Variants in SERPINB7 observed in about 807,000 individuals in gnomAD.
SERPINB7 encodes serpin family B member 7.
SERPINB7 carries 31 observed loss-of-function variants against 37.4 expected under a neutral mutation model. That is an observed-to-expected ratio of 0.83 (90% CI 0.62 to 1.12). The LOEUF (loss-of-function observed/expected upper bound fraction) is 1.12. SERPINB7 is among the 50% of genes most tolerant of loss of function. SERPINB7 has a pLI of 0.00. For synonymous variants in SERPINB7, 163 were observed against 166.1 expected, an observed-to-expected ratio of 0.98 and a Z score of 0.14; for missense variants, 521 against 455.3, an observed-to-expected ratio of 1.14 and a Z score of -1.31.
chr18:63,777,764 A>G (rs2049262935), intron 1 of SERPINB7: 1 of 152,308 alleles, frequency 6.6e-6, no homozygotes, highest in South Asian at 2.1e-4. Flanking sequence ...TTTCAGAGTA[A>G]TGCAAAGAAC....
chr18:63,778,531 A>G (rs527415594), intron 1 of SERPINB7, among the ~76,000 whole-genome samples: 271 of 152,278 alleles, frequency 1.8e-3, no homozygotes, highest in Admixed American at 2.5e-3. Context: ...ACTTTTATCA[A>G]GCATTTAAGG....
chr18:63,767,880 G>A (rs1259521802), intron 1 of SERPINB7, among the ~76,000 whole-genome samples: 1 of 151,912 alleles, frequency 6.6e-6, no homozygotes, highest in Admixed American at 6.6e-5. Flanking sequence ...GTTTAATATG[G>A]GGTGAGTTTT....
In SERPINB7 at chr18:63,793,234, T is replaced by C. The variant is rs2049448390; in HGVS notation, c.293T>C (p.Ile98Thr). The C allele has an allele frequency of 6.2e-7, 1 of 1,608,784 alleles. No individual in the cohort carries two copies. Among genetic ancestry groups the C allele is most frequent in the Non-Finnish European group, 8.5e-7 (1 of 1,176,968 alleles). Residue 98 changes from isoleucine to threonine, a missense_variant, in exon 4 of 8, where the codon ATT (isoleucine) becomes ACT (threonine). By Grantham distance (89) the Ile-to-Thr change is moderately conservative. Coordinates refer to ENST00000398019, the MANE Select transcript of SERPINB7 (RefSeq NM_003784.4). ...TCCCACAAGGATTATGATCTCAGCATTGTGAATGGGCTTTTTGCTGAAAAA... is the reference window on the plus strand; with the variant it reads ...TCCCACAAGGATTATGATCTCAGCACTGTGAATGGGCTTTTTGCTGAAAAA... ...NASHKDYDLS[I>T]VNGLFAEKVY... is the part of the protein sequence containing the mutation.
chr18:63,765,889 T>C (rs529409283), intron 1 of SERPINB7, among the ~76,000 whole-genome samples: 1 of 151,782 alleles, frequency 6.6e-6, no homozygotes, highest in African/African-American at 2.4e-5. Context: ...AAAAACAGCA[T>C]TTTTTCATGT....
At chr18:63,755,551 A>C (rs1442877799) in intron 1 of SERPINB7, among the ~76,000 whole-genome samples, 1 of 152,186 alleles carries the variant, frequency 6.6e-6, no homozygotes, top group Non-Finnish European at 1.5e-5. Flanking sequence ...AAGGTGAATT[A>C]GTGAGGCAAG....
intron 1 of SERPINB7, among the ~76,000 whole-genome samples, chr18:63,759,097 A>T (rs996603290): frequency 1.3e-5 from 2 of 152,248 alleles, no homozygotes; most frequent in African/African-American, 4.8e-5. Flanking sequence ...TCCTGCTATG[A>T]GTAGGCTTCA....
At chr18:63,786,817 A>G (rs1167334277) in intron 2 of SERPINB7, among the ~76,000 whole-genome samples, 1 of 152,224 alleles carries the variant, frequency 6.6e-6, no homozygotes, top group East Asian at 1.9e-4. Context: ...AAAGAATTAG[A>G]TAAGAAAAGT....
chr18:63,766,725 A>G (rs1012996227), intron 1 of SERPINB7, among the ~76,000 whole-genome samples: 8 of 152,168 alleles, frequency 5.3e-5, no homozygotes, highest in Non-Finnish European at 7.4e-5. Flanking sequence ...ATATATCTAT[A>G]TGCTGATTGC....
At position 63,804,774 on chromosome 18, in the gene SERPINB7, G is replaced by A; in HGVS notation, c.*139G>A. On this transcript the variant is annotated 3_prime_UTR_variant, in exon 8 of 8. Transcript: ENST00000398019. ...CTAACATTGGTCAGCAGATGACACT[G>A]GTGACTTGACCCTTCCTAGACACCT... 1 of 859,306 alleles carries A rather than the reference G, an allele frequency of 1.2e-6. No homozygotes were observed. Among genetic ancestry groups the A allele is most frequent in the Non-Finnish European group, 1.8e-6 (1 of 569,572 alleles). 53.2% of individuals were successfully genotyped at this position (859,306 alleles called of 1,614,324 possible).
chr18:63,758,382 A>AT (rs1272091035), intron 1 of SERPINB7, among the ~76,000 whole-genome samples: 1 of 152,268 alleles, frequency 6.6e-6, no homozygotes, highest in African/African-American at 2.4e-5. Flanking sequence ...TAGTGACTGA[A>AT]TTTTTTACTG....
At chr18:63,792,492 G>A (rs2049440131) in intron 3 of SERPINB7, 49 bp downstream of exon 3, 1 of 1,273,584 alleles carries the variant, frequency 7.9e-7, no homozygotes, top group Admixed American at 1.7e-5. Flanking sequence ...GCCAGGTGCA[G>A]GGGCTCAAGC....
At position 63,765,888 on chromosome 18, in the gene SERPINB7, A is replaced by AT. The variant is rs751548849; in HGVS notation, c.-19+12774dup. On this transcript the variant is annotated intron_variant, in intron 1 of 7. Coordinates refer to the SERPINB7 transcript ENST00000336429. ...AGGTTTCAAGCAGCTGAAAAACAGC[A>AT]TTTTTTCATGTAATTAGAAGTTTAG... 9.8e-4 allele frequency among the ~76,000 whole-genome samples: 149 copies of AT among 152,218 alleles called. 1 individual carries two copies. Among genetic ancestry groups the AT allele is most frequent in the Non-Finnish European group, 1.4e-3 (92 of 67,982 alleles).
intron 2 of SERPINB7, among the ~76,000 whole-genome samples, chr18:63,787,546 T>A (rs1278837355): frequency 6.6e-6 from 1 of 152,200 alleles, no homozygotes; most frequent in Non-Finnish European, 1.5e-5. Context: ...ACAAGCATTA[T>A]CTCAGAAAAG....
At chr18:63,801,075 T>A in intron 7 of SERPINB7, 63 bp downstream of exon 7, 1 of 1,480,764 alleles carries the variant, frequency 6.8e-7, no homozygotes, top group South Asian at 1.2e-5. Flanking sequence ...GTTGATTGAG[T>A]TTTCACTGAT....
At chr18:63,759,856 C>A (rs1306487911) in intron 1 of SERPINB7, among the ~76,000 whole-genome samples, 1 of 152,182 alleles carries the variant, frequency 6.6e-6, no homozygotes, top group African/African-American at 2.4e-5. Context: ...CTCACCTCCC[C>A]CCATGATTCT....
chr18:63,784,558 A>C (rs550968049), intron 2 of SERPINB7, among the ~76,000 whole-genome samples: 1 of 152,296 alleles, frequency 6.6e-6, no homozygotes, highest in African/African-American at 2.4e-5. Context: ...AACAAATAAA[A>C]ATTTATTCAT....
upstream of SERPINB7, among the ~76,000 whole-genome samples, chr18:63,771,922 A>G (rs1414043790): frequency 6.6e-6 from 1 of 152,014 alleles, no homozygotes; most frequent in Non-Finnish European, 1.5e-5. Flanking sequence ...AAAGGAAAAA[A>G]AAAATCATAG....
At chr18:63,769,077 T>C (rs2049195917) in intron 1 of SERPINB7, among the ~76,000 whole-genome samples, 1 of 152,302 alleles carries the variant, frequency 6.6e-6, no homozygotes, top group Non-Finnish European at 1.5e-5. Flanking sequence ...ACAAGCACTT[T>C]TGTGCAAATA....
At chr18:63,783,086 C>T (rs2049318157) in intron 2 of SERPINB7, among the ~76,000 whole-genome samples, 1 of 150,978 alleles carries the variant, frequency 6.6e-6, no homozygotes, top group Non-Finnish European at 1.5e-5. Flanking sequence ...TGCAGTGAGC[C>T]GAGATAGCGC....
Sources: allele counts gnomAD v4.1 joint callset (sites outside exome capture counted in the v4.1 genomes callset), GRCh38; gene constraint gnomAD v4.1.1; transcripts MANE v1.5; gene names NCBI Gene and HGNC (gene_info 2026-07-23, HGNC 2026-07-21).